The following ARHGEF26 variants were observed in gnomAD, a reference collection of about 807,000 sequenced individuals.
The protein encoded by ARHGEF26 is Rho guanine nucleotide exchange factor (GEF) 26.
A neutral mutation model predicts 89.4 loss-of-function variants in ARHGEF26; 59 were observed. That is an observed-to-expected ratio of 0.66 (90% confidence interval 0.54 to 0.82). The LOEUF (loss-of-function observed/expected upper bound fraction) is 0.82. Ranked by LOEUF, ARHGEF26 falls within the 40% of genes least tolerant of loss-of-function variation. The probability of loss-of-function intolerance (pLI) is 0.00; values close to 1 mark genes in which losing one functional copy is unlikely to be tolerated. For synonymous variants in ARHGEF26, 500 were observed against 428.4 expected, an observed-to-expected ratio of 1.17 and a Z score of -2.06; for missense variants, 1,234 against 1,085.6, an observed-to-expected ratio of 1.14 and a Z score of -1.92.
intron 14 of ARHGEF26, 26 bp downstream of exon 14, chr3:154,254,850 A>G (rs758563401): frequency 3.1e-6 from 5 of 1,592,510 alleles, no homozygotes; most frequent in Non-Finnish European, 3.4e-6. Context: ...CTTATGGGAC[A>G]CTCGTGGTCC....
At chr3:154,203,349 C>G (rs538830898) in intron 9 of ARHGEF26, among the ~76,000 whole-genome samples, 4 of 152,182 alleles carry the variant, frequency 2.6e-5, no homozygotes, top group African/African-American at 9.6e-5. Flanking sequence ...GGATGAAGCC[C>G]ACTTGATCAT....
chr3:154,152,713 C>T, intron 5 of ARHGEF26, 59 bp from the exon 6 acceptor site: 3 of 1,246,184 alleles, frequency 2.4e-6, no homozygotes, highest in Non-Finnish European at 3.2e-6. Flanking sequence ...ATTATGAGAG[C>T]TATATTTAGT....
chr3:154,244,777 G>A (rs1282583520), intron 12 of ARHGEF26, among the ~76,000 whole-genome samples: 1 of 151,886 alleles, frequency 6.6e-6, no homozygotes, highest in Non-Finnish European at 1.5e-5. Context: ...ACTCACAAAG[G>A]CCATACAGGA....
intron 9 of ARHGEF26, among the ~76,000 whole-genome samples, chr3:154,215,982 A>C (rs1170932939): frequency 6.6e-6 from 1 of 152,178 alleles, no homozygotes; most frequent in South Asian, 2.1e-4. Context: ...ATTTCTGTAC[A>C]TATATGTGTG....
chr3:154,121,425 C>T lies in ARHGEF26; in HGVS notation c.-146C>T, dbSNP rs993770738. Reference sequence around the variant, plus strand: ...CGGCGCCGCGGTCGGCGGCAGCGCTCTCCTAAGCTCTCGCGGCTGCGCTTC... The same window carrying T: ...CGGCGCCGCGGTCGGCGGCAGCGCTTTCCTAAGCTCTCGCGGCTGCGCTTC... On this transcript the variant is annotated 5_prime_UTR_variant, in exon 1 of 15. Coordinates refer to ENST00000465093, the MANE Select transcript of ARHGEF26 (RefSeq NM_015595.4). The T allele has an allele frequency of 1.3e-5, 2 of 152,378 alleles. No homozygotes were observed. Among genetic ancestry groups the T allele is most frequent in the African/African-American group, 2.4e-5 (1 of 41,462 alleles). The allele number at this position is 152,378 out of a possible 1,614,324, so 9.4% of individuals were successfully genotyped here.
chr3:154,133,573 C>G (rs1228636140), intron 4 of ARHGEF26, among the ~76,000 whole-genome samples: 1 of 151,730 alleles, frequency 6.6e-6, no homozygotes, highest in African/African-American at 2.4e-5. Context: ...GTTTGTGTGT[C>G]TGTTTTTGTA....
intron 11 of ARHGEF26, among the ~76,000 whole-genome samples, chr3:154,234,922 C>T (rs955302602): frequency 7.9e-5 from 12 of 152,202 alleles, no homozygotes; most frequent in East Asian, 1.9e-4. Context: ...CTCACCACCG[C>T]GCCCGGCTAA....
intron 9 of ARHGEF26, among the ~76,000 whole-genome samples, chr3:154,202,411 A>C (rs1030151940): frequency 3.3e-5 from 5 of 152,036 alleles, no homozygotes; most frequent in African/African-American, 1.2e-4. Context: ...ACAGCCTTGT[A>C]GTATAGTTTG....
In ARHGEF26 at chr3:154,162,681, C is replaced by T. The variant is rs906778837; in HGVS notation, c.1487+9749C>T. ...TTAGGTGAATTGGCGTGTCTGTGGC[C>T]CCAGTCTGAATGAATGTGGGTGTGT... On this transcript the variant is annotated intron_variant, in intron 6 of 14. Coordinates refer to ENST00000465093, the MANE Select transcript of ARHGEF26 (RefSeq NM_015595.4). Among the ~76,000 whole-genome samples the T allele has an allele frequency of 3.1e-4, 47 of 151,930 alleles. 1 individual carries two copies. The highest frequency in any genetic ancestry group is 1.8e-3 in the Admixed American group (27 of 15,220).
chr3:154,215,112 A>G (rs1715637732), intron 9 of ARHGEF26, among the ~76,000 whole-genome samples: 1 of 152,168 alleles, frequency 6.6e-6, no homozygotes, highest in Admixed American at 6.5e-5. Context: ...CAATCCAGAC[A>G]CCTTAAGACC....
chr3:154,189,059 C>T lies in ARHGEF26; in HGVS notation c.1640+1222C>T, dbSNP rs987831. On this transcript the variant is annotated intron_variant, in intron 7 of 14. Coordinates refer to ENST00000465093, the MANE Select transcript of ARHGEF26 (RefSeq NM_015595.4). ...AGGGTAAAACCACACCCATCACTTC[C>T]TCACTCCACCACGCCCTGGTGGGAA... 6.1e-3 allele frequency among the ~76,000 whole-genome samples: 923 copies of T among 152,214 alleles called. 8 individuals are homozygous for T. Among genetic ancestry groups the T allele is most frequent in the African/African-American group, 0.021 (868 of 41,534 alleles).
intron 13 of ARHGEF26, 135 bp downstream of exon 13, chr3:154,253,318 C>A: frequency 3.2e-6 from 3 of 934,506 alleles, no homozygotes; most frequent in East Asian, 2.6e-5. Flanking sequence ...TGCTTTACAC[C>A]AAAAATGTAT....
At chr3:154,245,553 G>T (rs1326870437) in intron 12 of ARHGEF26, among the ~76,000 whole-genome samples, 1 of 152,102 alleles carries the variant, frequency 6.6e-6, no homozygotes, top group Non-Finnish European at 1.5e-5. Flanking sequence ...GCTCCTCTTA[G>T]GGCCCATGTC....
At chr3:154,207,591 A>G (rs562633777) in intron 9 of ARHGEF26, among the ~76,000 whole-genome samples, 2 of 152,264 alleles carry the variant, frequency 1.3e-5, no homozygotes, top group South Asian at 4.2e-4. Flanking sequence ...TAAAAATTCA[A>G]AAAATAACAT....
intron 12 of ARHGEF26, among the ~76,000 whole-genome samples, chr3:154,247,128 GATT>G (rs1717845975): frequency 6.6e-6 from 1 of 151,740 alleles, no homozygotes; most frequent in Non-Finnish European, 1.5e-5. Context: ...CTTTTTTTGA[GATT>G]ATGTTTTTCT....
At chr3:154,207,174 C>G (rs1715070375) in intron 9 of ARHGEF26, among the ~76,000 whole-genome samples, 1 of 152,108 alleles carries the variant, frequency 6.6e-6, no homozygotes, top group African/African-American at 2.4e-5. Context: ...CCTGGTCATA[C>G]CATTCGGGAC....
intron 5 of ARHGEF26, among the ~76,000 whole-genome samples, chr3:154,150,058 T>TTGTGTG (rs10616486): frequency 1.4e-5 from 2 of 147,732 alleles, no homozygotes; most frequent in Non-Finnish European, 3.0e-5. Context: ...CTGCATATTA[T>TTGTGTG]TGTGTGTGTG....
intron 9 of ARHGEF26, among the ~76,000 whole-genome samples, chr3:154,217,269 A>C (rs1385549695): frequency 1.3e-5 from 2 of 150,786 alleles, no homozygotes; most frequent in African/African-American, 4.9e-5. Context: ...TTTGATTTGC[A>C]TTTCTCTGAT....
At position 154,254,773 on chromosome 3, in the gene ARHGEF26, C is replaced by T. The variant is rs993394234; in HGVS notation, c.2422C>T (p.Leu808Phe). The T allele has an allele frequency of 4.3e-6, 7 of 1,613,930 alleles. No individual in the cohort carries two copies. The Admixed American group carries it at 1.2e-4, about 27-fold the overall frequency. Residue 808 changes from leucine to phenylalanine, a missense_variant, in exon 14 of 15, where the codon CTC (leucine) becomes TTC (phenylalanine). Physicochemically the swap from Leu to Phe is conservative, Grantham distance 22 (BLOSUM62 0). Transcript: ENST00000465093. ...ATTTACTGCTAAGCAGCCAGATGAA[C>T]TCTCCCTGCAGGTGGCTGACGTCGT... The part of the protein sequence containing the change: ...RSFTAKQPDE[L>F]SLQVADVVLI...
Sources: gnomAD v4.1 joint callset for allele counts (sites outside exome capture counted in the v4.1 genomes callset) on GRCh38, gnomAD v4.1.1 for gene constraint, MANE v1.5 for transcripts, NCBI Gene and HGNC (gene_info 2026-07-23, HGNC 2026-07-21) for gene names.